Variants in BRD10 observed in about 807,000 individuals in gnomAD.
BRD10 encodes uncharacterized bromodomain-containing protein 10.
At chr9:5,995,308 TC>T in the BRD10 span, among the ~76,000 whole-genome samples, 1 of 152,250 alleles carries the variant, frequency 6.6e-6, no homozygotes, top group African/African-American at 2.4e-5. Context: ...TCCATTAACT[TC>T]CTGCTTCTCA....
the BRD10 span, among the ~76,000 whole-genome samples, chr9:5,976,078 A>G: frequency 3.9e-5 from 6 of 152,330 alleles, no homozygotes; most frequent in East Asian, 1.2e-3. Context: ...ACCAGAAGAA[A>G]TAGCTAAAAG....
chr9:5,922,766 T>C, the BRD10 span: 2 of 1,613,974 alleles, frequency 1.2e-6, no homozygotes, highest in African/African-American at 1.3e-5. Flanking sequence ...ATTTTGAAGA[T>C]CTATTGGCAA....
chr9:5,952,078 T>A, the BRD10 span, among the ~76,000 whole-genome samples: 6 of 152,000 alleles, frequency 3.9e-5, no homozygotes, highest in Non-Finnish European at 8.8e-5. Context: ...TGGAGTGCAA[T>A]GGCGTGATGT....
chr9:5,984,450 G>A, the BRD10 span, among the ~76,000 whole-genome samples: 1 of 151,984 alleles, frequency 6.6e-6, no homozygotes, highest in Non-Finnish European at 1.5e-5. Flanking sequence ...ATAAAACAAC[G>A]AGGCAGAGCA....
At chr9:6,002,246 G>C in the BRD10 span, among the ~76,000 whole-genome samples, 1 of 152,154 alleles carries the variant, frequency 6.6e-6, no homozygotes, top group Non-Finnish European at 1.5e-5. Context: ...CTTGTTAATT[G>C]AACTCTTTCA....
chr9:5,977,706 G>C, the BRD10 span, among the ~76,000 whole-genome samples: 3 of 152,090 alleles, frequency 2.0e-5, no homozygotes, highest in Admixed American at 2.0e-4. Context: ...GTGGTGGCAA[G>C]CGCCTGTAGT....
chr9:5,974,078 G>T, the BRD10 span, among the ~76,000 whole-genome samples: 1 of 151,824 alleles, frequency 6.6e-6, no homozygotes, highest in Non-Finnish European at 1.5e-5. Context: ...GCCACATTTG[G>T]GCACATGATA....
At chr9:5,930,708 ATATAT>A in the BRD10 span, among the ~76,000 whole-genome samples, 1 of 152,202 alleles carries the variant, frequency 6.6e-6, no homozygotes, top group Non-Finnish European at 1.5e-5. Context: ...TTTTTATTTC[ATATAT>A]TAATCTAGAT....
chr9:5,924,160 C>G, the BRD10 span, among the ~76,000 whole-genome samples: 67 of 152,192 alleles, frequency 4.4e-4, no homozygotes, highest in Non-Finnish European at 8.4e-4. Flanking sequence ...AAAAGAAGAG[C>G]ATGAACCAAT....
At chr9:5,890,877 C>T in the BRD10 span, 4 of 152,164 alleles carry the variant, frequency 2.6e-5, no homozygotes, top group Non-Finnish European at 5.9e-5. Flanking sequence ...GATTAAGAGC[C>T]AGAGAAGCAG....
chr9:5,964,577 A>T, the BRD10 span, among the ~76,000 whole-genome samples: 9 of 135,656 alleles, frequency 6.6e-5, no homozygotes, highest in Admixed American at 3.0e-4. Flanking sequence ...AATGACTATA[A>T]ATCATGCTGC....
chr9:6,001,441 T>C, the BRD10 span, among the ~76,000 whole-genome samples: 1 of 152,180 alleles, frequency 6.6e-6, no homozygotes, highest in Admixed American at 6.5e-5. Context: ...CTACATATCC[T>C]CATCATCCTA....
At chr9:5,956,714 C>G in the BRD10 span, among the ~76,000 whole-genome samples, 1 of 152,154 alleles carries the variant, frequency 6.6e-6, no homozygotes, top group South Asian at 2.1e-4. Context: ...CTTACTCCAT[C>G]TCAGTTCTTC....
At chr9:5,926,972 A>G in the BRD10 span, among the ~76,000 whole-genome samples, 1 of 152,324 alleles carries the variant, frequency 6.6e-6, no homozygotes, top group East Asian at 1.9e-4. Context: ...CAGTTTATGT[A>G]GGTTTTCAAT....
chr9:5,956,965 G>C, the BRD10 span, among the ~76,000 whole-genome samples: 2 of 152,156 alleles, frequency 1.3e-5, no homozygotes, highest in East Asian at 3.9e-4. Flanking sequence ...AACAGTCTAG[G>C]GGGTAGGAAA....
At chr9:6,008,127 T>G in the BRD10 span, 1 of 975,896 alleles carries the variant, frequency 1.0e-6, no homozygotes, top group Non-Finnish European at 1.2e-6. Flanking sequence ...CCCTGCCGGG[T>G]CGCCGCGGCC....
chr9:5,989,834 T>A, the BRD10 span, among the ~76,000 whole-genome samples: 1 of 152,198 alleles, frequency 6.6e-6, no homozygotes, highest in African/African-American at 2.4e-5. Context: ...CAGCCAAACA[T>A]AAATCTTTAT....
chr9:5,997,982 TAGAA>T, the BRD10 span, among the ~76,000 whole-genome samples: 1 of 152,118 alleles, frequency 6.6e-6, no homozygotes, highest in Non-Finnish European at 1.5e-5. Context: ...GTGGTAACAA[TAGAA>T]AGAAATAGGC....
At chr9:5,921,010 C>T in the BRD10 span, 4 of 1,613,780 alleles carry the variant, frequency 2.5e-6, no homozygotes, top group Admixed American at 5.0e-5. Context: ...GAAAGGAACC[C>T]AAAGATAAAT....
Sources: allele counts gnomAD v4.1 joint callset (sites outside exome capture counted in the v4.1 genomes callset), GRCh38; gene constraint gnomAD v4.1.1; transcripts MANE v1.5; gene names NCBI Gene and HGNC (gene_info 2026-07-23, HGNC 2026-07-21).